RASA3: variants seen among roughly 807,000 people sequenced by gnomAD.
RASA3 encodes ras GTPase-activating protein 3.
A neutral mutation model predicts 110.0 loss-of-function variants in RASA3; 73 were observed. That is an observed-to-expected ratio of 0.66 (90% CI 0.55 to 0.81). RASA3 has a LOEUF of 0.81. Among genes scored for constraint, RASA3 ranks in the 30% least tolerant of loss-of-function variants. The probability of loss-of-function intolerance (pLI) is 0.00; values close to 1 mark genes in which losing one functional copy is unlikely to be tolerated. For missense variants in RASA3, 976 were observed against 1,113.2 expected, an observed-to-expected ratio of 0.88 and a Z score of 1.75; for synonymous variants, 500 against 451.4, an observed-to-expected ratio of 1.11 and a Z score of -1.37.
intron 1 of RASA3, among the ~76,000 whole-genome samples, chr13:114,100,724 C>T (rs527595880): frequency 3.3e-5 from 5 of 152,268 alleles, no homozygotes; most frequent in South Asian, 2.1e-4. Flanking sequence ...CTCTGCTGCC[C>T]GGACCTGTTT....
chr13:114,078,864 A>G (rs2079734977), intron 1 of RASA3, among the ~76,000 whole-genome samples: 1 of 152,172 alleles, frequency 6.6e-6, no homozygotes, highest in South Asian at 2.1e-4. Context: ...GCTGACAGCG[A>G]GCTGTCGGGG....
At chr13:113,996,112 TG>T (rs1463889678) in intron 21 of RASA3, among the ~76,000 whole-genome samples, 1 of 120,632 alleles carries the variant, frequency 8.3e-6, no homozygotes, top group Admixed American at 8.2e-5. Context: ...ACCCGGCTGA[TG>T]GGGGGCCGGG....
chr13:113,992,089 C>T (rs1039100181), intron 22 of RASA3, among the ~76,000 whole-genome samples: 38 of 152,220 alleles, frequency 2.5e-4, no homozygotes, highest in African/African-American at 8.9e-4. Context: ...CATTCACACG[C>T]TCACACATGC....
At chr13:114,013,348 C>T in intron 14 of RASA3, 100 bp from the exon 15 acceptor site, 1 of 771,090 alleles carries the variant, frequency 1.3e-6, no homozygotes, top group Non-Finnish European at 2.2e-6. Flanking sequence ...GAAGTCCAGC[C>T]ACAGTCCTGG....
intron 8 of RASA3, among the ~76,000 whole-genome samples, chr13:114,021,794 C>T (rs779279178): frequency 3.3e-5 from 5 of 152,090 alleles, no homozygotes; most frequent in East Asian, 1.9e-4. Flanking sequence ...GCCTGGGCAT[C>T]GCTGCGTGCA....
chr13:114,042,499 G>T (rs1361424982), intron 3 of RASA3, among the ~76,000 whole-genome samples: 1 of 152,246 alleles, frequency 6.6e-6, no homozygotes, highest in Non-Finnish European at 1.5e-5. Context: ...CCTCCTTAAG[G>T]ATCTTGGTCC....
chr13:114,114,697 G>A lies in RASA3; in HGVS notation c.55+17738C>T, dbSNP rs936617212. 1.3e-5 allele frequency among the ~76,000 whole-genome samples: 2 copies of A among 152,176 alleles called. No individual in the cohort carries two copies. The highest frequency in any genetic ancestry group is 4.8e-5 in the African/African-American group (2 of 41,432). On this transcript the variant is annotated intron_variant, in intron 1 of 23. Coordinates refer to ENST00000334062, the MANE Select transcript of RASA3 (RefSeq NM_007368.4). This position sits in a 1 kb window ranked among gnomAD's most constrained non-coding sequence, Gnocchi z 4.8. ...ATCCTTCGCCGACCTTTGTTTATGG[G>A]TAACCCTTGATAACATGTGGGCAGG...
chr13:114,122,093 G>C (rs1334454132), intron 1 of RASA3, among the ~76,000 whole-genome samples: 1 of 152,244 alleles, frequency 6.6e-6, no homozygotes, highest in African/African-American at 2.4e-5. Flanking sequence ...CGGGGAGGGA[G>C]AGGATCTGGG....
intron 1 of RASA3, among the ~76,000 whole-genome samples, chr13:114,087,474 G>A (rs1290300926): frequency 6.6e-6 from 1 of 152,256 alleles, no homozygotes; most frequent in Admixed American, 6.5e-5. Flanking sequence ...TCCTGGAGAT[G>A]GGCGCGCTAC....
intron 1 of RASA3, among the ~76,000 whole-genome samples, chr13:114,117,721 T>A (rs1362609341): frequency 3.1e-5 from 2 of 65,206 alleles, no homozygotes; most frequent in Non-Finnish European, 6.9e-5. Context: ...GTGTGAGGGA[T>A]GCATGTGTGT....
At chr13:114,000,996 C>A in intron 18 of RASA3, 64 bp from the exon 19 acceptor site, 1 of 1,025,292 alleles carries the variant, frequency 9.8e-7, no homozygotes, top group Non-Finnish European at 1.5e-6. Flanking sequence ...AGGTGAAAAA[C>A]CACACCCCCC....
chr13:113,993,962 C>T (rs2139106073), intron 21 of RASA3, among the ~76,000 whole-genome samples: 1 of 152,260 alleles, frequency 6.6e-6, no homozygotes, highest in South Asian at 2.1e-4. Context: ...ACGCGCGGGG[C>T]TGTTATTTTT....
In RASA3 at chr13:114,106,242, C is replaced by T. The variant is rs867583112; in HGVS notation, c.55+26193G>A. ...TAATATTGAATATGTGTGCGCGCAC[C>T]GTATCTCCACGGAGCAAAATAAGAA... On this transcript the variant is annotated intron_variant, in intron 1 of 23. Coordinates refer to ENST00000334062, the MANE Select transcript of RASA3 (RefSeq NM_007368.4). Among the ~76,000 whole-genome samples, 11 of 151,966 alleles carry T rather than the reference C, an allele frequency of 7.2e-5. No homozygotes were observed. The South Asian group carries it at 1.5e-3, about 20-fold the overall frequency.
At chr13:114,041,160 G>A (rs998562726) in intron 3 of RASA3, 66 bp from the exon 4 acceptor site, 5 of 1,350,382 alleles carry the variant, frequency 3.7e-6, no homozygotes, top group Admixed American at 3.4e-5. Flanking sequence ...CCTGTGAGCA[G>A]AAGCCAGCCC....
At chr13:114,087,454 C>G (rs1013000738) in intron 1 of RASA3, among the ~76,000 whole-genome samples, 1 of 152,350 alleles carries the variant, frequency 6.6e-6, no homozygotes, top group East Asian at 1.9e-4. Context: ...CAGGAGTCCA[C>G]GCAGAGACCT....
intron 3 of RASA3, among the ~76,000 whole-genome samples, chr13:114,043,785 C>T (rs998053087): frequency 2.6e-5 from 4 of 151,756 alleles, no homozygotes; most frequent in Non-Finnish European, 4.4e-5. Flanking sequence ...GCGCAGACCA[C>T]GAGGGTGGAC....
intron 22 of RASA3, among the ~76,000 whole-genome samples, chr13:113,990,940 G>A (rs1325206899): frequency 6.6e-6 from 1 of 152,168 alleles, no homozygotes; most frequent in Non-Finnish European, 1.5e-5. Flanking sequence ...CAGGGCATGT[G>A]GGGCTGGAGA....
chr13:114,051,175 G>A (rs921069338), intron 3 of RASA3, among the ~76,000 whole-genome samples: 2 of 152,112 alleles, frequency 1.3e-5, no homozygotes, highest in African/African-American at 2.4e-5. Flanking sequence ...TCCTCCTCTC[G>A]CCCTGTCCCA....
chr13:114,087,315 C>T (rs1007275868), intron 1 of RASA3, among the ~76,000 whole-genome samples: 5 of 152,094 alleles, frequency 3.3e-5, no homozygotes, highest in East Asian at 3.9e-4. Context: ...CGATTCCCTT[C>T]GTCCTTGTGG....
Sources: gnomAD v4.1 joint callset for allele counts (sites outside exome capture counted in the v4.1 genomes callset) on GRCh38, gnomAD v4.1.1 for gene constraint, Gnocchi (gnomAD v3.1) non-coding constraint, MANE v1.5 for transcripts, NCBI Gene and HGNC (gene_info 2026-07-23, HGNC 2026-07-21) for gene names.